MAP3K4: variants seen among roughly 807,000 people sequenced by gnomAD.
MAP3K4 encodes the protein MAP three kinase 1.
Under a neutral mutation model 185.6 loss-of-function variants are expected in MAP3K4, and 67 were observed. That is an observed-to-expected ratio of 0.36 (90% CI 0.30 to 0.44). The LOEUF (loss-of-function observed/expected upper bound fraction) is 0.44. Ranked by LOEUF, MAP3K4 falls within the 20% of genes least tolerant of loss-of-function variation. The probability of loss-of-function intolerance (pLI) is 1.00; values close to 1 mark genes in which losing one functional copy is unlikely to be tolerated. For missense variants in MAP3K4, 1,551 were observed against 1,995.1 expected (o/e 0.78, Z 4.24); for synonymous variants, 702 against 710.4 (o/e 0.99, Z 0.19).
intron 1 of MAP3K4, among the ~76,000 whole-genome samples, chr6:161,018,587 C>CA (rs538398092): frequency 1.9e-4 from 29 of 152,108 alleles, no homozygotes; most frequent in African/African-American, 7.0e-4. Context: ...TAATAGCCTA[C>CA]AAAAAAACCC....
Position 161,080,604 on chromosome 6 carries a change from C to A in MAP3K4, c.2098-277C>A. On this transcript the variant is annotated intron_variant, in intron 5 of 26. Coordinates refer to ENST00000392142, the MANE Select transcript of MAP3K4 (RefSeq NM_005922.4). This position sits in a 1 kb window ranked among gnomAD's most constrained non-coding sequence, Gnocchi z 4.8. ...GGTACTGTTCTTTTGATTTTTTCCC[C>A]TTTATTGTAGATTGTGAACATTTTT... 1 of 374,994 alleles carries A rather than the reference C, an allele frequency of 2.7e-6. No homozygotes were observed. Among genetic ancestry groups the A allele is most frequent in the Non-Finnish European group, 4.9e-6 (1 of 203,518 alleles). The allele number at this position is 374,994 out of a possible 1,614,324, so 23.2% of individuals were successfully genotyped here.
chr6:161,084,187 C>T lies in MAP3K4; in HGVS notation c.2256-314C>T, dbSNP rs1265743239. On this transcript the variant is annotated intron_variant, in intron 6 of 26. Transcript: ENST00000392142. The surrounding 1 kb of genome is among the most constrained non-coding windows in gnomAD (Gnocchi z 4.6). ...TCTTATCCTATCATTTAGTTTGAGG[C>T]CATTTTATGGAAAATTTCCATTTAG... Among the ~76,000 whole-genome samples, 1 of 152,102 alleles carries T rather than the reference C, an allele frequency of 6.6e-6. No individual in the cohort carries two copies. The highest frequency in any genetic ancestry group is 1.5e-5 in the Non-Finnish European group (1 of 68,024).
In MAP3K4 at chr6:161,067,938, A is replaced by T. The variant is rs1784780678; in HGVS notation, c.1708-2670A>T. Among the ~76,000 whole-genome samples, 1 of 152,228 alleles carries T rather than the reference A, an allele frequency of 6.6e-6. No homozygotes were observed. Among genetic ancestry groups the T allele is most frequent in the South Asian group, 2.1e-4 (1 of 4,836 alleles). ...TTACTGTTGGCATTAGGAGTACAAT[A>T]GGGAATTTGAGAACTAAGAGCTTGT... On this transcript the variant is annotated intron_variant, in intron 3 of 26. Transcript: ENST00000392142. The surrounding 1 kb of genome is among the most constrained non-coding windows in gnomAD (Gnocchi z 6.3).
chr6:161,101,771 A>G lies in MAP3K4; in HGVS notation c.3675-121A>G. On this transcript the variant is annotated intron_variant, in intron 17 of 26. Coordinates refer to ENST00000392142, the MANE Select transcript of MAP3K4 (RefSeq NM_005922.4). The surrounding 1 kb of genome is among the most constrained non-coding windows in gnomAD (Gnocchi z 5.1). ...GTGTCTAATACATTGCTGGAGGCAG[A>G]GTTGTTCCTGGCAGGCAGAGTTGCC... The G allele has an allele frequency of 1.3e-6, 1 of 760,342 alleles. No homozygotes were observed. The highest frequency in any genetic ancestry group is 2.2e-6 in the Non-Finnish European group (1 of 459,102). 47.1% of individuals were successfully genotyped at this position (760,342 alleles called of 1,614,324 possible). A position where few individuals can be genotyped will look rare whatever the true frequency, so the allele number is the denominator to read the frequency against.
At chr6:161,052,656 A>G (rs1293052116) in intron 3 of MAP3K4, among the ~76,000 whole-genome samples, 1 of 152,198 alleles carries the variant, frequency 6.6e-6, no homozygotes, top group East Asian at 1.9e-4. Context: ...TACAATTCTA[A>G]TTAACTTAGT....
rs553700422 is a variant in MAP3K4 at position 161,077,301 on chromosome 6, TAAAATA to T, written c.2098-3574_2098-3569del. Among the ~76,000 whole-genome samples, 837 of 152,254 alleles carry T rather than the reference TAAAATA, an allele frequency of 5.5e-3. 6 individuals are homozygous for T. The highest frequency in any genetic ancestry group is 9.7e-3 in the Non-Finnish European group (662 of 68,010). ...AAATATCTACATGTACCCCGGAACT[TAAAATA>T]AAAATTAAAGAAAAATCAACAAGAA... is the stretch of plus-strand genomic sequence containing the variant. On this transcript the variant is annotated intron_variant, in intron 5 of 26. Transcript: ENST00000392142. This position sits in a 1 kb window ranked among gnomAD's most constrained non-coding sequence, Gnocchi z 4.3.
At chr6:161,030,615 A>G (rs939466281) in intron 1 of MAP3K4, among the ~76,000 whole-genome samples, 1 of 151,998 alleles carries the variant, frequency 6.6e-6, no homozygotes, top group African/African-American at 2.4e-5. Context: ...GGGTTTTGCC[A>G]TGTTGTCCAG....
chr6:161,029,934 C>T (rs1022461949), intron 1 of MAP3K4, among the ~76,000 whole-genome samples: 2 of 152,112 alleles, frequency 1.3e-5, no homozygotes, highest in Admixed American at 1.3e-4. Context: ...TAAGCTAAGG[C>T]CCTCAAACTA....
chr6:161,065,164 C>T (rs1193798518), intron 3 of MAP3K4, among the ~76,000 whole-genome samples: 2 of 152,278 alleles, frequency 1.3e-5, no homozygotes, highest in East Asian at 3.9e-4. Context: ...AACTGGGAGG[C>T]AGTGTAGAAC....
chr6:161,110,613 C>T lies in MAP3K4; in HGVS notation c.4396+699C>T, dbSNP rs1778303261. Among the ~76,000 whole-genome samples the T allele has an allele frequency of 6.6e-6, 1 of 152,188 alleles. No homozygotes were observed. Among genetic ancestry groups the T allele is most frequent in the South Asian group, 2.1e-4 (1 of 4,830 alleles). On this transcript the variant is annotated intron_variant, in intron 23 of 26. Transcript: ENST00000392142. This position sits in a 1 kb window ranked among gnomAD's most constrained non-coding sequence, Gnocchi z 4.8. The stretch of plus-strand genomic sequence containing the variant: ...TTTCATTCTGTCCTGTAGTCTGAGG[C>T]TAACCTAAACACATTAACTTAGGAA...
chr6:161,047,270 G>A (rs117170624), intron 2 of MAP3K4, among the ~76,000 whole-genome samples: 5,737 of 102,022 alleles, frequency 0.056, 152 homozygotes, highest in South Asian at 0.16. Context: ...GTGGGATCCT[G>A]TCTCTACCCA....
rs1562548820 is a variant in MAP3K4, at chr6:161,110,843, TG to T, written c.4396+931del. Among the ~76,000 whole-genome samples, 1 of 152,222 alleles carries T rather than the reference TG, an allele frequency of 6.6e-6. No individual in the cohort carries two copies. The highest frequency in any genetic ancestry group is 6.5e-5 in the Admixed American group (1 of 15,282). On this transcript the variant is annotated intron_variant, in intron 23 of 26. Coordinates refer to ENST00000392142, the MANE Select transcript of MAP3K4 (RefSeq NM_005922.4). This position sits in a 1 kb window ranked among gnomAD's most constrained non-coding sequence, Gnocchi z 4.8. ...GGGGTCATCCTGATGTTGGCTTAAC[TG>T]GCTCTGTACCAGGCCGTAGCACTGC...
In MAP3K4 at chr6:161,086,234, A is replaced by G. The variant is rs1269379840; in HGVS notation, c.2373-145A>G. The G allele has an allele frequency of 1.9e-6, 1 of 514,542 alleles. No individual in the cohort carries two copies. Among genetic ancestry groups the G allele is most frequent in the Non-Finnish European group, 3.4e-6 (1 of 291,980 alleles). 31.9% of individuals were successfully genotyped at this position (514,542 alleles called of 1,614,324 possible). A position where few individuals can be genotyped will look rare whatever the true frequency, so the allele number is the denominator to read the frequency against. ...TCTGAATGTTTTGACTACATCTTCA[A>G]TAATAGTTTGTTCCCATTTAAAAAA... On this transcript the variant is annotated intron_variant, in intron 7 of 26. Transcript: ENST00000392142. This position sits in a 1 kb window ranked among gnomAD's most constrained non-coding sequence, Gnocchi z 4.8.
intron 1 of MAP3K4, among the ~76,000 whole-genome samples, chr6:160,994,358 T>C (rs1780895533): frequency 6.6e-6 from 1 of 152,204 alleles, no homozygotes; most frequent in African/African-American, 2.4e-5. Context: ...TCCTCCTAGC[T>C]TAGCTCTCAC....
In MAP3K4 at chr6:161,108,888, G is replaced by T. The variant is rs1363616563; in HGVS notation, c.4236+29G>T. 1.3e-6 allele frequency: 2 copies of T among 1,597,468 alleles called. No individual in the cohort carries two copies. Among genetic ancestry groups the T allele is most frequent in the Non-Finnish European group, 1.7e-6 (2 of 1,164,998 alleles). ...AGCCGACCCTAATGCCACTCTTTGT[G>T]TGAGGAATCAGTGAGGGCACAGAAT... On this transcript the variant is annotated intron_variant, in intron 22 of 26. Coordinates refer to ENST00000392142, the MANE Select transcript of MAP3K4 (RefSeq NM_005922.4). This position sits in a 1 kb window ranked among gnomAD's most constrained non-coding sequence, Gnocchi z 5.7.
intron 1 of MAP3K4, among the ~76,000 whole-genome samples, chr6:161,015,018 G>T (rs76182270): frequency 0.021 from 3,260 of 152,110 alleles, 137 homozygotes; most frequent in African/African-American, 0.075. Context: ...ATAATATGTG[G>T]GTTTTTTTGT....
Position 161,073,300 on chromosome 6 carries a change from A to G in MAP3K4, c.1951-166A>G, listed in dbSNP as rs1785028987. 2.0e-6 allele frequency: 1 copy of G among 511,324 alleles called. No homozygotes were observed. The highest frequency in any genetic ancestry group is 3.3e-6 in the Non-Finnish European group (1 of 299,884). 31.7% of individuals were successfully genotyped at this position (511,324 alleles called of 1,614,324 possible). A position where few individuals can be genotyped will look rare whatever the true frequency, so the allele number is the denominator to read the frequency against. Reference sequence around the variant, plus strand: ...TTGTTGCTTCTCAATTGAGACTACTAAGGTATTTACATAAAATGAACTGAT... The same window carrying G: ...TTGTTGCTTCTCAATTGAGACTACTGAGGTATTTACATAAAATGAACTGAT... On this transcript the variant is annotated intron_variant, in intron 4 of 26. Coordinates refer to ENST00000392142, the MANE Select transcript of MAP3K4 (RefSeq NM_005922.4). This position sits in a 1 kb window ranked among gnomAD's most constrained non-coding sequence, Gnocchi z 4.2.
At chr6:161,066,257 C>CT (rs1198443633) in intron 3 of MAP3K4, among the ~76,000 whole-genome samples, 1 of 152,106 alleles carries the variant, frequency 6.6e-6, no homozygotes, top group Non-Finnish European at 1.5e-5. Flanking sequence ...TCAGAGGCTG[C>CT]TGCTGCTTTA....
chr6:161,009,841 C>A (rs1781765561), intron 1 of MAP3K4, among the ~76,000 whole-genome samples: 1 of 152,086 alleles, frequency 6.6e-6, no homozygotes, highest in East Asian at 1.9e-4. Flanking sequence ...GGGAGGGGAA[C>A]AACACTTACT....
Sources: gnomAD v4.1 joint callset for allele counts (sites outside exome capture counted in the v4.1 genomes callset) on GRCh38, gnomAD v4.1.1 for gene constraint, Gnocchi (gnomAD v3.1) non-coding constraint, MANE v1.5 for transcripts, NCBI Gene and HGNC (gene_info 2026-07-23, HGNC 2026-07-21) for gene names.